The following CCDC91 variants were observed in gnomAD, a reference collection of about 807,000 sequenced individuals.
The protein encoded by CCDC91 is coiled-coil domain-containing protein 91.
Under a neutral mutation model 63.2 loss-of-function variants are expected in CCDC91, and 48 were observed. That is an observed-to-expected ratio of 0.76 (90% CI 0.60 to 0.97). The LOEUF is 0.97. CCDC91 is among the 50% of genes least tolerant of loss of function. CCDC91 has a pLI of 0.00. For synonymous variants in CCDC91, 167 were observed against 165.8 expected, an observed-to-expected ratio of 1.01 and a Z score of -0.06; for missense variants, 500 against 494.6, an observed-to-expected ratio of 1.01 and a Z score of -0.10.
At chr12:28,541,155 C>T (rs965872115) in intron 12 of CCDC91, among the ~76,000 whole-genome samples, 5 of 152,010 alleles carry the variant, frequency 3.3e-5, no homozygotes, top group South Asian at 2.1e-4. Context: ...TGTTGCACAC[C>T]GATAGATAAC....
chr12:28,546,525 G>A (rs989540099), intron 12 of CCDC91, among the ~76,000 whole-genome samples: 9 of 152,004 alleles, frequency 5.9e-5, no homozygotes, highest in African/African-American at 2.2e-4. Flanking sequence ...ATTGGAGGTA[G>A]CATTGCCAAC....
intron 11 of CCDC91, among the ~76,000 whole-genome samples, chr12:28,479,067 GATCTAGAACTAGAA>G (rs1951289554): frequency 1.3e-5 from 2 of 152,226 alleles, no homozygotes; most frequent in South Asian, 4.1e-4. Flanking sequence ...ATTCCTCGAG[GATCTAGAACTAGAA>G]ATAGCATTTG....
In CCDC91 at chr12:28,391,295, T is replaced by A; in HGVS notation, c.655-9T>A. 1 of 1,583,444 alleles carries A rather than the reference T, an allele frequency of 6.3e-7. No homozygotes were observed. Among genetic ancestry groups the A allele is most frequent in the Non-Finnish European group, 8.7e-7 (1 of 1,155,796 alleles). ...CTGTGATCCAAATGACTTTTTTGCTTGTTTTCAGGCACTACTGCAGTCTTC... is the reference window on the plus strand; with the variant it reads ...CTGTGATCCAAATGACTTTTTTGCTAGTTTTCAGGCACTACTGCAGTCTTC... On this transcript the variant is annotated splice_polypyrimidine_tract_variant and intron_variant, in intron 7 of 12. Transcript: ENST00000536442.
At chr12:28,527,341 C>T (rs1307445386) in intron 12 of CCDC91, among the ~76,000 whole-genome samples, 4 of 152,100 alleles carry the variant, frequency 2.6e-5, no homozygotes, top group Admixed American at 6.6e-5. Context: ...TGGGGGTTCC[C>T]GAGAGCTGAG....
chr12:28,281,125 A>C (rs1308869044), intron 3 of CCDC91, among the ~76,000 whole-genome samples: 1 of 152,096 alleles, frequency 6.6e-6, no homozygotes, highest in Non-Finnish European at 1.5e-5. Context: ...GCAGTAGTCT[A>C]TTTGGTCTTA....
chr12:28,239,240 A>G (rs1346944364), intron 1 of CCDC91, among the ~76,000 whole-genome samples: 1 of 152,152 alleles, frequency 6.6e-6, no homozygotes, highest in Non-Finnish European at 1.5e-5. Flanking sequence ...AGAGGTATAT[A>G]GTAGATGGTT....
chr12:28,423,507 G>A (rs1161047409), intron 8 of CCDC91, among the ~76,000 whole-genome samples: 1 of 152,076 alleles, frequency 6.6e-6, no homozygotes, highest in Non-Finnish European at 1.5e-5. Flanking sequence ...GGTACTATCT[G>A]TATCTTTATT....
chr12:28,201,312 G>A (rs71483849), intron 1 of CCDC91, among the ~76,000 whole-genome samples: 12 of 150,614 alleles, frequency 8.0e-5, no homozygotes, highest in African/African-American at 2.0e-4. Flanking sequence ...CTTCTCAGAC[G>A]GGGCGGCCGG....
At position 28,362,480 on chromosome 12, in the gene CCDC91, C is replaced by A; in HGVS notation, c.619C>A (p.His207Asn). 6.3e-7 allele frequency: 1 copy of A among 1,598,790 alleles called. No individual in the cohort carries two copies. Among genetic ancestry groups the A allele is most frequent in the South Asian group, 1.1e-5 (1 of 87,708 alleles). Residue 207 changes from histidine (H) to asparagine (N), a missense_variant, in exon 7 of 13, where the codon CAC becomes AAC. Physicochemically the swap from His to Asn is moderately conservative, Grantham distance 68 (BLOSUM62 1). Transcript: ENST00000536442. ...ATTGGAAGACATGAGGAAAGCTGGT[C>A]ACGAAGCCCTCAGCATTATTGTGGA... is the stretch of plus-strand genomic sequence containing the variant. ...QELEDMRKAG[H>N]EALSIIVDEY...
chr12:28,400,367 G>A (rs1349755338), intron 8 of CCDC91, among the ~76,000 whole-genome samples: 1 of 91,078 alleles, frequency 1.1e-5, no homozygotes, highest in Non-Finnish European at 2.4e-5. Flanking sequence ...CCCACCCTAG[G>A]ACTGGCCCAG....
chr12:28,257,250 G>T lies in CCDC91; in HGVS notation c.30+5G>T, dbSNP rs1456887131. ...GATGATTTTGGTGGTTTTGAGGTAT[G>T]CACTGTTATTTACATTAGTTTGTTT... is the stretch of plus-strand genomic sequence containing the variant. On this transcript the variant is annotated splice_donor_5th_base_variant and intron_variant, in intron 2 of 12. Transcript: ENST00000536442. 1 of 1,600,510 alleles carries T rather than the reference G, an allele frequency of 6.2e-7. No homozygotes were observed. The highest frequency in any genetic ancestry group is 1.1e-5 in the South Asian group (1 of 90,668).
intron 6 of CCDC91, among the ~76,000 whole-genome samples, chr12:28,320,965 G>C (rs952789279): frequency 2.6e-5 from 4 of 151,908 alleles, no homozygotes; most frequent in Admixed American, 6.6e-5. Context: ...TGTTGAGAAG[G>C]CTGTGTGTGT....
intron 6 of CCDC91, among the ~76,000 whole-genome samples, chr12:28,310,651 A>C (rs531675501): frequency 3.3e-5 from 5 of 152,146 alleles, no homozygotes; most frequent in African/African-American, 9.6e-5. Context: ...CATACTGTTC[A>C]GTTTGTATGT....
At chr12:28,319,536 A>C (rs1440035521) in intron 6 of CCDC91, 3 of 172,318 alleles carry the variant, frequency 1.7e-5, no homozygotes, top group Admixed American at 1.3e-4. Context: ...CTTAGATACC[A>C]AAATCCATAA....
chr12:28,501,939 GTGTA>G (rs1183347648), intron 12 of CCDC91, among the ~76,000 whole-genome samples: 1 of 151,860 alleles, frequency 6.6e-6, no homozygotes, highest in Admixed American at 6.6e-5. Context: ...TCTTGGGAGG[GTGTA>G]TGTGTCGAGG....
At chr12:28,330,894 A>G (rs1941445789) in intron 6 of CCDC91, among the ~76,000 whole-genome samples, 2 of 152,190 alleles carry the variant, frequency 1.3e-5, no homozygotes, top group Non-Finnish European at 2.9e-5. Flanking sequence ...TTGCCCTTTA[A>G]AAAACAAACC....
At chr12:28,347,727 A>G (rs1349587507) in intron 6 of CCDC91, among the ~76,000 whole-genome samples, 1 of 152,210 alleles carries the variant, frequency 6.6e-6, no homozygotes, top group Non-Finnish European at 1.5e-5. Context: ...TTGTAGTTGC[A>G]GCTCTGGTCC....
chr12:28,376,121 T>TA (rs1565880219), intron 7 of CCDC91, among the ~76,000 whole-genome samples: 7 of 151,912 alleles, frequency 4.6e-5, no homozygotes, highest in Admixed American at 3.9e-4. Flanking sequence ...TTTTCTTTTT[T>TA]AAAAAAAATT....
At chr12:28,503,179 A>C (rs1022915462) in intron 12 of CCDC91, among the ~76,000 whole-genome samples, 2 of 152,120 alleles carry the variant, frequency 1.3e-5, no homozygotes, top group Non-Finnish European at 2.9e-5. Flanking sequence ...TTCGCAACCT[A>C]CTAATCTGAC....
Sources: gnomAD v4.1 joint callset for allele counts (sites outside exome capture counted in the v4.1 genomes callset) on GRCh38, gnomAD v4.1.1 for gene constraint, MANE v1.5 for transcripts, NCBI Gene and HGNC (gene_info 2026-07-23, HGNC 2026-07-21) for gene names.